The following NRXN3 variants were observed in gnomAD, a reference collection of about 807,000 sequenced individuals.
NRXN3 encodes neurexin III.
NRXN3 carries 32 observed loss-of-function variants against 137.6 expected under a neutral mutation model. That is an observed-to-expected ratio of 0.23 (90% CI 0.18 to 0.31). The LOEUF is 0.31. Ranked by LOEUF, NRXN3 falls within the 10% of genes least tolerant of loss-of-function variation. NRXN3 has a pLI of 1.00. For missense variants in NRXN3, 1,574 were observed against 2,062.5 expected (o/e 0.76, Z 4.59); for synonymous variants, 798 against 784.5 (o/e 1.02, Z -0.29).
At chr14:79,853,488 G>A in intron 20 of NRXN3, 1 of 1,064,890 alleles carries the variant, frequency 9.4e-7, no homozygotes, top group Non-Finnish European at 1.3e-6. Flanking sequence ...TCCATAGATG[G>A]GCATGTGTAG....
intron 19 of NRXN3, among the ~76,000 whole-genome samples, chr14:79,713,422 T>G (rs977353207): frequency 6.8e-6 from 1 of 147,390 alleles, no homozygotes; most frequent in Non-Finnish European, 1.5e-5. Flanking sequence ...CTATAATTAA[T>G]TAGCATAAAG....
chr14:79,850,391 C>T (rs1477270837), intron 20 of NRXN3, among the ~76,000 whole-genome samples: 1 of 152,124 alleles, frequency 6.6e-6, no homozygotes, highest in Non-Finnish European at 1.5e-5. Flanking sequence ...GCAAGGAGGA[C>T]CCATGCTTCC....
chr14:78,718,790 G>A (rs1052507445), intron 8 of NRXN3, among the ~76,000 whole-genome samples: 1 of 152,098 alleles, frequency 6.6e-6, no homozygotes, highest in African/African-American at 2.4e-5. Flanking sequence ...AATTATTTTT[G>A]TTGGCTATTC....
chr14:78,288,534 C>G (rs1219148585), intron 3 of NRXN3, among the ~76,000 whole-genome samples: 1 of 152,198 alleles, frequency 6.6e-6, no homozygotes, highest in African/African-American at 2.4e-5. Context: ...AAAAATCCAT[C>G]ACACCATGAT....
At chr14:79,304,987 G>T (rs534789992) in intron 15 of NRXN3, among the ~76,000 whole-genome samples, 1 of 152,102 alleles carries the variant, frequency 6.6e-6, no homozygotes, top group Non-Finnish European at 1.5e-5. Context: ...TCTGAATCTT[G>T]CAGCCTGCCA....
At chr14:79,822,852 C>T (rs1227857386) in intron 20 of NRXN3, among the ~76,000 whole-genome samples, 1 of 151,978 alleles carries the variant, frequency 6.6e-6, no homozygotes, top group East Asian at 1.9e-4. Flanking sequence ...AAAAAAGCCA[C>T]CCTAGGATAA....
At chr14:78,464,271 G>A (rs1567666492) in intron 4 of NRXN3, among the ~76,000 whole-genome samples, 3 of 152,084 alleles carry the variant, frequency 2.0e-5, no homozygotes, top group Admixed American at 2.0e-4. Flanking sequence ...GGCCAGACTG[G>A]TCTCAAACTC....
intron 2 of NRXN3, among the ~76,000 whole-genome samples, chr14:78,254,376 T>A (rs377096308): frequency 4.6e-5 from 7 of 152,176 alleles, no homozygotes; most frequent in Non-Finnish European, 7.3e-5. Flanking sequence ...AAATCCTGAA[T>A]TTCTCTGCGA....
chr14:78,498,825 T>C (rs191261964), intron 4 of NRXN3, among the ~76,000 whole-genome samples: 3 of 151,946 alleles, frequency 2.0e-5, no homozygotes, highest in Admixed American at 1.3e-4. Flanking sequence ...GGGGTCTCAC[T>C]ATATCACCCA....
In NRXN3 at chr14:78,679,093, G is replaced by A. The variant is rs552872926; in HGVS notation, c.1221+27767G>A. Among the ~76,000 whole-genome samples, 4 of 152,062 alleles carry A rather than the reference G, an allele frequency of 2.6e-5. No homozygotes were observed. The South Asian group carries it at 6.2e-4, about 24-fold the overall frequency. ...AGCAGATATGATTACTGCAGCAACA[G>A]GAAATAAAGGCACAAAAATTGTTAT... On this transcript the variant is annotated intron_variant, in intron 6 of 20. Transcript: ENST00000335750.
At chr14:78,380,466 A>G (rs574942250) in intron 4 of NRXN3, among the ~76,000 whole-genome samples, 11 of 152,324 alleles carry the variant, frequency 7.2e-5, no homozygotes, top group African/African-American at 2.4e-4. Context: ...AAATCCAATG[A>G]CAAGTTTTCT....
chr14:78,925,900 G>A (rs220105), intron 10 of NRXN3, among the ~76,000 whole-genome samples: 24,363 of 152,056 alleles, frequency 0.16, 2,656 homozygotes, highest in East Asian at 0.39. Flanking sequence ...AACAATAGTC[G>A]CCCATTGTAG....
intron 8 of NRXN3, among the ~76,000 whole-genome samples, 165 bp from the exon 9 acceptor site, chr14:78,803,455 C>T (rs946726232): frequency 3.3e-5 from 5 of 152,122 alleles, no homozygotes; most frequent in Admixed American, 1.3e-4. Context: ...GTGGTCTGCC[C>T]AGCGTCACAC....
intron 20 of NRXN3, among the ~76,000 whole-genome samples, chr14:79,823,677 A>G (rs1318797505): frequency 1.3e-5 from 2 of 152,236 alleles, no homozygotes; most frequent in East Asian, 1.9e-4. Flanking sequence ...ATAGAAGAGT[A>G]TACTAGGAGA....
At chr14:79,816,548 A>G (rs1208101354) in intron 20 of NRXN3, among the ~76,000 whole-genome samples, 1 of 152,210 alleles carries the variant, frequency 6.6e-6, no homozygotes, top group African/African-American at 2.4e-5. Flanking sequence ...TCCTCCAAAT[A>G]TTCCTCTTTT....
chr14:78,815,438 G>A (rs1360700471), intron 10 of NRXN3, among the ~76,000 whole-genome samples: 5 of 132,264 alleles, frequency 3.8e-5, no homozygotes, highest in Non-Finnish European at 8.0e-5. Flanking sequence ...TAGTGTTTGA[G>A]TCTTTCTCCT....
intron 4 of NRXN3, among the ~76,000 whole-genome samples, chr14:78,524,462 A>G (rs1410125154): frequency 6.6e-6 from 1 of 152,224 alleles, no homozygotes; most frequent in Non-Finnish European, 1.5e-5. Flanking sequence ...TCTCGAGCTC[A>G]GGTGCATGGC....
intron 16 of NRXN3, among the ~76,000 whole-genome samples, chr14:79,478,659 T>C (rs535454168): frequency 1.5e-4 from 23 of 152,248 alleles, no homozygotes; most frequent in African/African-American, 4.1e-4. Context: ...CAAGTGAGCA[T>C]GCCGTGTCAT....
chr14:79,348,226 G>T (rs976417241), intron 15 of NRXN3, among the ~76,000 whole-genome samples: 5 of 152,122 alleles, frequency 3.3e-5, no homozygotes, highest in African/African-American at 1.2e-4. Flanking sequence ...ACTATATGAT[G>T]TAAGTAGGCC....
Sources: allele counts gnomAD v4.1 joint callset (sites outside exome capture counted in the v4.1 genomes callset), GRCh38; gene constraint gnomAD v4.1.1; transcripts MANE v1.5; gene names NCBI Gene and HGNC (gene_info 2026-07-23, HGNC 2026-07-21).